Variants in ANO3 observed in about 807,000 individuals in gnomAD.
The protein encoded by ANO3 is anoctamin 3, also known as anoctamin-3.
Under a neutral mutation model 144.8 loss-of-function variants are expected in ANO3, and 99 were observed. The ratio of observed to expected loss-of-function variants is 0.68; its 90% CI spans 0.58 to 0.81. The LOEUF (loss-of-function observed/expected upper bound fraction) is 0.81, where lower values mean the gene tolerates loss of function less well. Ranked by LOEUF, ANO3 falls within the 30% of genes least tolerant of loss-of-function variation. The pLI, the probability that ANO3 is intolerant of heterozygous loss-of-function variation, is 0.00. For synonymous variants in ANO3, 414 were observed against 392.6 expected (o/e 1.05, Z -0.64); for missense variants, 905 against 1,202.2 (o/e 0.75, Z 3.66).
intron 1 of ANO3, among the ~76,000 whole-genome samples, chr11:26,279,121 C>T (rs1487679154): frequency 6.6e-6 from 1 of 152,010 alleles, no homozygotes; most frequent in Non-Finnish European, 1.5e-5. Context: ...TCCAATAATC[C>T]AGGAGAGAGA....
chr11:26,398,818 C>T (rs1265537658), intron 1 of ANO3, among the ~76,000 whole-genome samples: 1 of 151,782 alleles, frequency 6.6e-6, no homozygotes, highest in Non-Finnish European at 1.5e-5. Context: ...ATGAAGCAGC[C>T]CAGGGAAGGA....
In ANO3 at chr11:26,597,024, G is replaced by A. The variant is rs147324621; in HGVS notation, c.1448-1341G>A. The stretch of plus-strand genomic sequence containing the variant: ...CCTGAGTCCAGCAGCCACGCTAATC[G>A]TTTTTAACTGGCTGATGGGTGCCCG... On this transcript the variant is annotated intron_variant, in intron 14 of 26. Coordinates refer to ENST00000256737, the MANE Select transcript of ANO3 (RefSeq NM_031418.4). Among the ~76,000 whole-genome samples the A allele has an allele frequency of 1.8e-3, 279 of 152,334 alleles. 2 individuals are homozygous for A. Among genetic ancestry groups the A allele is most frequent in the South Asian group, 8.1e-3 (39 of 4,826 alleles).
chr11:26,656,021 A>G, intron 24 of ANO3, 104 bp from the exon 25 acceptor site: 1 of 897,542 alleles, frequency 1.1e-6, no homozygotes, highest in Non-Finnish European at 1.7e-6. Context: ...TATCATTAGA[A>G]TGGAAAGAAT....
rs1291245454 is a variant in ANO3 at position 26,293,530 on chromosome 11, CATGTATATATATATATATATAT to C, written c.155-16112_155-16091del. 1.6e-3 allele frequency among the ~76,000 whole-genome samples: 97 copies of C among 62,428 alleles called. 3 individuals carry two copies. The highest frequency in any genetic ancestry group is 2.2e-3 in the Non-Finnish European group (71 of 32,294). 41.0% of individuals were successfully genotyped at this position (62,428 alleles called of 152,430 possible). On this transcript the variant is annotated intron_variant, in intron 1 of 27. Transcript: ENST00000672621. Reference sequence around the variant, plus strand: ...CAGTCTAGAGTGGGTCTATAAATTCCATGTATATATATATATATATATATATATATATATATATATATATATT... The same window carrying C: ...CAGTCTAGAGTGGGTCTATAAATTCCATATATATATATATATATATATATT...
chr11:26,467,272 C>G (rs559117694), intron 4 of ANO3, among the ~76,000 whole-genome samples: 1 of 151,930 alleles, frequency 6.6e-6, no homozygotes, highest in Non-Finnish European at 1.5e-5. Context: ...CATCACCTCA[C>G]GCATTTATCC....
At chr11:26,653,830 T>C (rs1296154462) in intron 24 of ANO3, among the ~76,000 whole-genome samples, 4 of 152,260 alleles carry the variant, frequency 2.6e-5, no homozygotes, top group African/African-American at 7.2e-5. Context: ...AATTCCAATT[T>C]CCCTTAGCCT....
intron 17 of ANO3, among the ~76,000 whole-genome samples, chr11:26,605,781 ATATCCCCTT>A (rs1851918426): frequency 6.6e-6 from 1 of 151,226 alleles, no homozygotes; most frequent in East Asian, 1.9e-4. Flanking sequence ...ATCAGTGGTG[ATATCCCCTT>A]TATCATTTTT....
chr11:26,503,956 A>T (rs1861303217), intron 4 of ANO3, among the ~76,000 whole-genome samples: 1 of 152,194 alleles, frequency 6.6e-6, no homozygotes, highest in African/African-American at 2.4e-5. Context: ...TCATTGAACA[A>T]CATTTGCCTT....
chr11:26,515,139 A>G (rs1459412286), intron 5 of ANO3, among the ~76,000 whole-genome samples: 1 of 152,072 alleles, frequency 6.6e-6, no homozygotes, highest in African/African-American at 2.4e-5. Flanking sequence ...GTCAATTTTC[A>G]TTTTAATAAT....
At chr11:26,224,729 T>C (rs1434278546) in intron 1 of ANO3, among the ~76,000 whole-genome samples, 7 of 152,250 alleles carry the variant, frequency 4.6e-5, no homozygotes, top group Admixed American at 4.6e-4. Flanking sequence ...CTATAATTGT[T>C]GCCTGTGGAT....
intron 17 of ANO3, among the ~76,000 whole-genome samples, chr11:26,620,965 T>G (rs1852398262): frequency 6.6e-6 from 1 of 152,212 alleles, no homozygotes; most frequent in Non-Finnish European, 1.5e-5. Context: ...TGTCCATAGT[T>G]TCTAGAAATT....
rs373214308 is a variant in ANO3, at chr11:26,528,663, A to G, written c.738-2542A>G. On this transcript the variant is annotated intron_variant, in intron 7 of 26. Transcript: ENST00000256737. ...TTACTCTCTGTCTTTAGAAATGAGAACCTGAAGCTCAAAGATTAGAAATGT... is the reference window on the plus strand; with the variant it reads ...TTACTCTCTGTCTTTAGAAATGAGAGCCTGAAGCTCAAAGATTAGAAATGT... 4.6e-5 allele frequency among the ~76,000 whole-genome samples: 7 copies of G among 152,246 alleles called. No individual in the cohort carries two copies. In the East Asian group the frequency reaches 1.2e-3, roughly 25 times the overall value.
At chr11:26,259,212 A>T (rs994630673) in intron 1 of ANO3, among the ~76,000 whole-genome samples, 2 of 152,158 alleles carry the variant, frequency 1.3e-5, no homozygotes, top group African/African-American at 4.8e-5. Context: ...CTGAATATAG[A>T]AATAGATTGA....
chr11:26,374,561 A>G (rs1442330940), intron 1 of ANO3, among the ~76,000 whole-genome samples: 1 of 152,172 alleles, frequency 6.6e-6, no homozygotes, highest in Non-Finnish European at 1.5e-5. Flanking sequence ...TGCCATTTTA[A>G]TTATATACTT....
intron 1 of ANO3, among the ~76,000 whole-genome samples, chr11:26,225,501 T>C (rs1389157431): frequency 6.6e-6 from 1 of 152,152 alleles, no homozygotes. Context: ...TCATGCTCTC[T>C]ACTAGCCTCT....
chr11:26,260,137 G>T (rs1158102400), intron 1 of ANO3, among the ~76,000 whole-genome samples: 1 of 151,664 alleles, frequency 6.6e-6, no homozygotes, highest in Non-Finnish European at 1.5e-5. Context: ...CCACACAAAG[G>T]GATAATTCTG....
chr11:26,653,535 A>G (rs1853595756), intron 24 of ANO3, among the ~76,000 whole-genome samples: 1 of 152,112 alleles, frequency 6.6e-6, no homozygotes, highest in African/African-American at 2.4e-5. Flanking sequence ...AAAACTCAGT[A>G]GTGTCTTCTT....
At chr11:26,565,131 A>G (rs1225916279) in intron 14 of ANO3, 24 of 1,486,670 alleles carry the variant, frequency 1.6e-5, no homozygotes, top group Non-Finnish European at 2.1e-5. Context: ...TTTCAGTTTC[A>G]CACAAAAGGA....
chr11:26,195,544 C>G (rs1851569481), intron 1 of ANO3, among the ~76,000 whole-genome samples: 1 of 152,130 alleles, frequency 6.6e-6, no homozygotes, highest in African/African-American at 2.4e-5. Flanking sequence ...GTAACAATAA[C>G]AATCATGCAT....
Sources: gnomAD v4.1 joint callset for allele counts (sites outside exome capture counted in the v4.1 genomes callset) on GRCh38, gnomAD v4.1.1 for gene constraint, MANE v1.5 for transcripts, NCBI Gene and HGNC (gene_info 2026-07-23, HGNC 2026-07-21) for gene names.